The following TXNDC11 variants were observed in gnomAD, a reference collection of about 807,000 sequenced individuals.
The protein encoded by TXNDC11 is thioredoxin domain containing 11.
Under a neutral mutation model 78.0 loss-of-function variants are expected in TXNDC11, and 68 were observed. The observed-to-expected ratio is 0.87, with a 90% CI of 0.72 to 1.07. The LOEUF (loss-of-function observed/expected upper bound fraction) is 1.07, where lower values mean the gene tolerates loss of function less well. TXNDC11 is among the 50% of genes least tolerant of loss of function. The probability of loss-of-function intolerance (pLI) is 0.00; values close to 1 mark genes in which losing one functional copy is unlikely to be tolerated. For synonymous variants in TXNDC11, 571 were observed against 495.2 expected, an observed-to-expected ratio of 1.15 and a Z score of -2.03; for missense variants, 1,389 against 1,221.8, an observed-to-expected ratio of 1.14 and a Z score of -2.04.
At chr16:11,737,095 C>T (rs1280242021) in intron 1 of TXNDC11, among the ~76,000 whole-genome samples, 3 of 152,024 alleles carry the variant, frequency 2.0e-5, no homozygotes, top group Non-Finnish European at 4.4e-5. Flanking sequence ...ACTATCTAAA[C>T]GAGATAAATA....
intron 4 of TXNDC11, among the ~76,000 whole-genome samples, chr16:11,722,712 T>C (rs923074056): frequency 1.3e-5 from 2 of 152,188 alleles, no homozygotes; most frequent in African/African-American, 2.4e-5. Flanking sequence ...AAGAATCCTT[T>C]TGAGCCCAAA....
chr16:11,703,435 A>C (rs545344490), intron 5 of TXNDC11, among the ~76,000 whole-genome samples: 7 of 152,092 alleles, frequency 4.6e-5, no homozygotes, highest in Non-Finnish European at 1.0e-4. Context: ...ATATATTAAT[A>C]AGAGAAGGCT....
At chr16:11,689,624 C>A (rs140692885) in intron 8 of TXNDC11, among the ~76,000 whole-genome samples, 1 of 152,218 alleles carries the variant, frequency 6.6e-6, no homozygotes, top group African/African-American at 2.4e-5. Flanking sequence ...GGAAAGAAAT[C>A]TAAAGAAGGC....
At chr16:11,709,423 ATTTTTTTTTTTTTT>A (rs149701958) in intron 5 of TXNDC11, among the ~76,000 whole-genome samples, 4 of 55,592 alleles carry the variant, frequency 7.2e-5, no homozygotes, top group Admixed American at 2.5e-4. Flanking sequence ...AATTTTTTGT[ATTTTTTTTTTTTTT>A]TTTTTTTTTT....
chr16:11,710,356 A>T (rs2051314207), intron 5 of TXNDC11, among the ~76,000 whole-genome samples: 2 of 152,054 alleles, frequency 1.3e-5, no homozygotes, highest in Non-Finnish European at 2.9e-5. Flanking sequence ...TTCCCCTCCA[A>T]ACAATGCTTT....
intron 5 of TXNDC11, among the ~76,000 whole-genome samples, chr16:11,714,121 A>C (rs908058568): frequency 6.6e-6 from 1 of 151,964 alleles, no homozygotes; most frequent in Non-Finnish European, 1.5e-5. Flanking sequence ...AGCTCACTGC[A>C]GCCCTGACTT....
chr16:11,702,712 G>A (rs543752504), intron 5 of TXNDC11, among the ~76,000 whole-genome samples: 2 of 152,286 alleles, frequency 1.3e-5, no homozygotes, highest in East Asian at 3.9e-4. Flanking sequence ...TTAAAAAACA[G>A]TTAAACATCA....
intron 1 of TXNDC11, 24 bp downstream of exon 1, chr16:11,742,453 G>GC: frequency 7.2e-7 from 1 of 1,390,114 alleles, no homozygotes; most frequent in Non-Finnish European, 9.2e-7. Flanking sequence ...CCCTAGCGGG[G>GC]CCCCAGGGTC....
intron 1 of TXNDC11, among the ~76,000 whole-genome samples, chr16:11,739,012 A>G (rs1267095162): frequency 6.6e-6 from 1 of 152,036 alleles, no homozygotes; most frequent in Admixed American, 6.5e-5. Context: ...GGGAAAAAAG[A>G]GCAAAACTCC....
intron 5 of TXNDC11, among the ~76,000 whole-genome samples, chr16:11,712,385 C>G (rs2051388708): frequency 6.6e-6 from 1 of 152,120 alleles, no homozygotes; most frequent in Non-Finnish European, 1.5e-5. Flanking sequence ...CCCCCAGCAC[C>G]CATCTCCACT....
At chr16:11,712,761 A>T (rs922387912) in intron 5 of TXNDC11, among the ~76,000 whole-genome samples, 7 of 152,034 alleles carry the variant, frequency 4.6e-5, no homozygotes, top group Non-Finnish European at 1.5e-5. Context: ...AAGATCAGCC[A>T]GGGTAACGTG....
rs2050344828 is a variant in TXNDC11 at position 11,679,311 on chromosome 16, G to A, written c.2761C>T (p.His921Tyr). 1 of 1,612,758 alleles carries A rather than the reference G, an allele frequency of 6.2e-7. No individual in the cohort carries two copies. The highest frequency in any genetic ancestry group is 8.5e-7 in the Non-Finnish European group (1 of 1,179,810). ...GCTGAGGGCTCAGGCTGCTTGGGGT[G>A]GACCTCTCTCTGGGCCGCCAGGCTT... is the stretch of plus-strand genomic sequence containing the variant. ...AESLAAQREV[H>Y]PKQPEPSATP... The change falls in exon 12 of 12, where the codon CAC becomes TAC. Residue 921 changes from histidine (H) to tyrosine (Y), a missense_variant. His to Tyr is a moderately conservative substitution (Grantham distance 83). Transcript: ENST00000283033. This position sits in a 1 kb window ranked among gnomAD's most constrained non-coding sequence, Gnocchi z 4.6.
chr16:11,689,707 A>G (rs950016994), intron 8 of TXNDC11, among the ~76,000 whole-genome samples: 3 of 152,234 alleles, frequency 2.0e-5, no homozygotes, highest in African/African-American at 7.2e-5. Context: ...TACTGAATGG[A>G]ATTCAGGAAA....
At chr16:11,688,566 T>C in intron 8 of TXNDC11, 121 bp from the exon 9 acceptor site, 1 of 868,440 alleles carries the variant, frequency 1.2e-6, no homozygotes, top group South Asian at 2.1e-5. Flanking sequence ...TTTTAACATT[T>C]CACCTATCAG....
At chr16:11,732,031 T>C (rs1454087357) in intron 3 of TXNDC11, among the ~76,000 whole-genome samples, 2 of 152,236 alleles carry the variant, frequency 1.3e-5, no homozygotes, top group African/African-American at 2.4e-5. Context: ...AGTTTTCCTG[T>C]TGTGATGTTA....
At chr16:11,715,645 G>A (rs944349887) in intron 5 of TXNDC11, among the ~76,000 whole-genome samples, 1 of 152,166 alleles carries the variant, frequency 6.6e-6, no homozygotes, top group African/African-American at 2.4e-5. Flanking sequence ...ACCAAGCACG[G>A]TGTGGAGCTG....
chr16:11,699,798 GAGAC>G (rs2050960584), intron 6 of TXNDC11, among the ~76,000 whole-genome samples: 1 of 152,230 alleles, frequency 6.6e-6, no homozygotes. Context: ...TGATGCGAGA[GAGAC>G]AGAATACTTC....
chr16:11,691,904 A>T lies in TXNDC11; in HGVS notation c.1286T>A (p.Leu429Gln). 6.2e-7 allele frequency: 1 copy of T among 1,614,032 alleles called. No individual in the cohort carries two copies. Residue 429 changes from leucine to glutamine, a missense_variant, in exon 8 of 12, where the codon CTG (leucine) becomes CAG (glutamine). By Grantham distance (113) the Leu-to-Gln change is moderately radical. Transcript: ENST00000283033. ...TASPCCNTVV[L>Q]PQWHSFSRTH... ...CCTGGAGAAGGAGTGCCACTGGGGCAGCACCACAGTGTTGCAGCAGGGGGA... is the reference window on the plus strand; with the variant it reads ...CCTGGAGAAGGAGTGCCACTGGGGCTGCACCACAGTGTTGCAGCAGGGGGA...
intron 5 of TXNDC11, among the ~76,000 whole-genome samples, chr16:11,715,937 TAA>T (rs1159180444): frequency 6.6e-6 from 1 of 152,234 alleles, no homozygotes; most frequent in African/African-American, 2.4e-5. Context: ...AATTAAGGTA[TAA>T]AGACTATTAT....
Sources: gnomAD v4.1 joint callset for allele counts (sites outside exome capture counted in the v4.1 genomes callset) on GRCh38, gnomAD v4.1.1 for gene constraint, Gnocchi (gnomAD v3.1) non-coding constraint, MANE v1.5 for transcripts, NCBI Gene and HGNC (gene_info 2026-07-23, HGNC 2026-07-21) for gene names.